TMEM132C: variants seen among roughly 807,000 people sequenced by gnomAD.
TMEM132C encodes transmembrane protein 132C.
TMEM132C carries 29 observed loss-of-function variants against 61.4 expected under a neutral mutation model. The observed-to-expected ratio is 0.47, with a 90% CI of 0.35 to 0.64. TMEM132C has a LOEUF of 0.64. TMEM132C is among the 30% of genes least tolerant of loss of function. The probability of loss-of-function intolerance (pLI) is 0.00; values close to 1 mark genes in which losing one functional copy is unlikely to be tolerated. For synonymous variants in TMEM132C, 656 were observed against 633.1 expected, an observed-to-expected ratio of 1.04 and a Z score of -0.54; for missense variants, 1,408 against 1,476.9, an observed-to-expected ratio of 0.95 and a Z score of 0.76.
At chr12:128,436,673 T>C (rs1480475957) in intron 2 of TMEM132C, among the ~76,000 whole-genome samples, 4 of 152,242 alleles carry the variant, frequency 2.6e-5, no homozygotes, top group East Asian at 1.9e-4. Context: ...TGTGGAGAAA[T>C]AGGAACGCTT....
chr12:128,376,045 C>CT (rs1270460572), intron 1 of TMEM132C, among the ~76,000 whole-genome samples: 1 of 152,172 alleles, frequency 6.6e-6, no homozygotes, highest in Non-Finnish European at 1.5e-5. Context: ...CGGGGCTTTG[C>CT]TATGGGTTTG....
At chr12:128,320,338 A>T (rs796227409) in intron 1 of TMEM132C, among the ~76,000 whole-genome samples, 7 of 152,182 alleles carry the variant, frequency 4.6e-5, no homozygotes, top group African/African-American at 1.7e-4. Flanking sequence ...GTTGACTTCC[A>T]TTGATTAGTG....
chr12:128,622,440 T>C (rs1464281414), intron 4 of TMEM132C, among the ~76,000 whole-genome samples: 1 of 143,208 alleles, frequency 7.0e-6, no homozygotes, highest in African/African-American at 2.5e-5. Context: ...CTTCTCTTCA[T>C]AGACAGTCAA....
intron 1 of TMEM132C, among the ~76,000 whole-genome samples, 157 bp downstream of exon 1, chr12:128,267,644 T>C (rs1425043604): frequency 6.6e-6 from 1 of 152,066 alleles, no homozygotes; most frequent in Non-Finnish European, 1.5e-5. Context: ...GAGCCGCCCC[T>C]AATCCAGAAG....
intron 2 of TMEM132C, among the ~76,000 whole-genome samples, chr12:128,465,580 C>G (rs1469140722): frequency 6.6e-6 from 1 of 152,222 alleles, no homozygotes; most frequent in Non-Finnish European, 1.5e-5. Context: ...AGGCGTCCAC[C>G]CAGGTGACAC....
chr12:128,608,343 A>T (rs1876498939), intron 3 of TMEM132C, among the ~76,000 whole-genome samples: 2 of 152,176 alleles, frequency 1.3e-5, no homozygotes, highest in South Asian at 2.1e-4. Context: ...TCACCTGGGG[A>T]TCTCTTAAGA....
At chr12:128,544,181 T>G in intron 3 of TMEM132C, 78 bp downstream of exon 3, 1 of 1,433,884 alleles carries the variant, frequency 7.0e-7, no homozygotes, top group South Asian at 1.5e-5. Flanking sequence ...GAGCCTTGAC[T>G]TGGACTCGCG....
chr12:128,622,276 G>A (rs1316284378), intron 4 of TMEM132C, among the ~76,000 whole-genome samples: 5 of 144,924 alleles, frequency 3.5e-5, no homozygotes, highest in East Asian at 2.0e-4. Flanking sequence ...CTTGGGAGGC[G>A]GAGGTTGCAC....
intron 4 of TMEM132C, among the ~76,000 whole-genome samples, chr12:128,626,271 C>T (rs757224504): frequency 3.2e-4 from 48 of 149,910 alleles, no homozygotes; most frequent in Non-Finnish European, 5.9e-4. Flanking sequence ...GGATTACAGG[C>T]GCTCACCACC....
chr12:128,529,950 C>T (rs373018223), intron 2 of TMEM132C, among the ~76,000 whole-genome samples: 2 of 152,030 alleles, frequency 1.3e-5, no homozygotes, highest in East Asian at 3.9e-4. Flanking sequence ...ACGATAATGG[C>T]AAAATGATGA....
chr12:128,488,458 C>G (rs1398763234), intron 2 of TMEM132C, among the ~76,000 whole-genome samples: 3 of 152,134 alleles, frequency 2.0e-5, no homozygotes, highest in African/African-American at 7.2e-5. Flanking sequence ...GTCGGGAGTT[C>G]AAGACCAGCC....
rs1875311458 is a variant in TMEM132C at position 128,580,957 on chromosome 12, C to T, written c.1122-35195C>T. Reference sequence around the variant, plus strand: ...CACTAGATGCCAACTGCACACCCTCCTCTATCCCAATTGTGACAATGAAAA... The same window carrying T: ...CACTAGATGCCAACTGCACACCCTCTTCTATCCCAATTGTGACAATGAAAA... On this transcript the variant is annotated intron_variant, in intron 3 of 8. Coordinates refer to ENST00000435159, the MANE Select transcript of TMEM132C (RefSeq NM_001136103.3). 1.3e-5 allele frequency among the ~76,000 whole-genome samples: 2 copies of T among 152,172 alleles called. 1 individual carries two copies. The highest frequency in any genetic ancestry group is 4.1e-4 in the South Asian group (2 of 4,828).
chr12:128,689,766 T>A (rs1047608509), intron 5 of TMEM132C, among the ~76,000 whole-genome samples: 1 of 152,060 alleles, frequency 6.6e-6, no homozygotes, highest in Non-Finnish European at 1.5e-5. Context: ...AAGGAGTAGA[T>A]CTCACAGTGG....
At chr12:128,390,406 C>T (rs61939976) in intron 1 of TMEM132C, among the ~76,000 whole-genome samples, 24,176 of 152,084 alleles carry the variant, frequency 0.16, 2,084 homozygotes, top group East Asian at 0.22. Flanking sequence ...GGCCCCTTCC[C>T]TATTCTGCAG....
At chr12:128,661,782 G>A (rs1954393395) in intron 4 of TMEM132C, among the ~76,000 whole-genome samples, 1 of 152,082 alleles carries the variant, frequency 6.6e-6, no homozygotes. Flanking sequence ...TACAAACAGG[G>A]ATAGATCATA....
intron 4 of TMEM132C, among the ~76,000 whole-genome samples, chr12:128,664,914 C>G (rs1954440780): frequency 6.6e-6 from 1 of 152,132 alleles, no homozygotes; most frequent in South Asian, 2.1e-4. Context: ...GAGGTGCAAC[C>G]AGATGCAAAG....
At chr12:128,307,917 C>G (rs1871837669) in intron 1 of TMEM132C, among the ~76,000 whole-genome samples, 1 of 152,208 alleles carries the variant, frequency 6.6e-6, no homozygotes. Flanking sequence ...CTGCCCCTCC[C>G]TGACTGTCAG....
intron 4 of TMEM132C, among the ~76,000 whole-genome samples, chr12:128,649,980 C>T (rs1216862795): frequency 6.6e-6 from 1 of 152,184 alleles, no homozygotes; most frequent in East Asian, 1.9e-4. Context: ...CCTGCAGTGA[C>T]AGCCCAGAAT....
chr12:128,491,253 A>G (rs1331265543), intron 2 of TMEM132C, among the ~76,000 whole-genome samples: 2 of 152,232 alleles, frequency 1.3e-5, no homozygotes, highest in Non-Finnish European at 2.9e-5. Context: ...AATTTCACCA[A>G]CTTGCTGCCT....
Sources: allele counts gnomAD v4.1 joint callset (sites outside exome capture counted in the v4.1 genomes callset), GRCh38; gene constraint gnomAD v4.1.1; transcripts MANE v1.5; gene names NCBI Gene and HGNC (gene_info 2026-07-23, HGNC 2026-07-21).